The following INPP4B variants were observed in gnomAD, a reference collection of about 807,000 sequenced individuals.
The protein encoded by INPP4B is inositol polyphosphate-4-phosphatase type II B, also known as inositol polyphosphate 4-phosphatase type II.
A neutral mutation model predicts 122.5 loss-of-function variants in INPP4B; 55 were observed. The ratio of observed to expected loss-of-function variants is 0.45; its 90% CI spans 0.36 to 0.56. The LOEUF is 0.56. Ranked by LOEUF, INPP4B falls within the 20% of genes least tolerant of loss-of-function variation. The probability of loss-of-function intolerance (pLI) is 0.00; values close to 1 mark genes in which losing one functional copy is unlikely to be tolerated. For synonymous variants in INPP4B, 403 were observed against 388.7 expected, an observed-to-expected ratio of 1.04 and a Z score of -0.43; for missense variants, 1,000 against 1,097.7, an observed-to-expected ratio of 0.91 and a Z score of 1.26.
chr4:142,650,455 C>T (rs531444468), intron 2 of INPP4B, among the ~76,000 whole-genome samples: 2 of 151,948 alleles, frequency 1.3e-5, no homozygotes, highest in East Asian at 1.9e-4. Flanking sequence ...CATCAGTGTG[C>T]TGTATTCAGG....
chr4:142,260,314 C>A (rs1739248415), intron 11 of INPP4B, among the ~76,000 whole-genome samples, 178 bp downstream of exon 11: 1 of 152,080 alleles, frequency 6.6e-6, no homozygotes, highest in Admixed American at 6.6e-5. Flanking sequence ...ATAGCTAGTA[C>A]ATTTATCTTT....
At chr4:142,810,275 A>G (rs1379041260) in intron 1 of INPP4B, among the ~76,000 whole-genome samples, 1 of 152,096 alleles carries the variant, frequency 6.6e-6, no homozygotes, top group African/African-American at 2.4e-5. Flanking sequence ...TTAGTTATGT[A>G]TATCTTGCCA....
At chr4:142,093,969 AATCAACATTATAC>A (rs1780707395) in intron 23 of INPP4B, among the ~76,000 whole-genome samples, 1 of 152,230 alleles carries the variant, frequency 6.6e-6, no homozygotes, top group Non-Finnish European at 1.5e-5. Flanking sequence ...AAATTTCCTC[AATCAACATTATAC>A]ATTGGAGACC....
chr4:142,070,112 G>A (rs936050034), intron 25 of INPP4B, among the ~76,000 whole-genome samples: 4 of 152,096 alleles, frequency 2.6e-5, no homozygotes, highest in African/African-American at 9.7e-5. Flanking sequence ...ACCAAATCCG[G>A]CAGCACATCA....
intron 2 of INPP4B, among the ~76,000 whole-genome samples, chr4:142,701,715 A>G (rs1761798053): frequency 6.6e-6 from 1 of 152,042 alleles, no homozygotes; most frequent in African/African-American, 2.4e-5. Context: ...TAGTACCTCT[A>G]CCTTGATGTG....
intron 1 of INPP4B, among the ~76,000 whole-genome samples, chr4:142,803,052 C>T (rs925435475): frequency 1.3e-5 from 2 of 151,612 alleles, no homozygotes; most frequent in Non-Finnish European, 2.9e-5. Flanking sequence ...TACCTGTAAT[C>T]CCAGCTACAG....
intron 25 of INPP4B, among the ~76,000 whole-genome samples, chr4:142,052,135 C>A: frequency 6.6e-6 from 1 of 151,932 alleles, no homozygotes; most frequent in Non-Finnish European, 1.5e-5. Context: ...TTTTATCAGA[C>A]TACCATTATA....
At chr4:142,461,129 G>A (rs1434044632) in intron 3 of INPP4B, among the ~76,000 whole-genome samples, 1 of 152,204 alleles carries the variant, frequency 6.6e-6, no homozygotes, top group Non-Finnish European at 1.5e-5. Flanking sequence ...CCATGACTGC[G>A]CCACTGCAAT....
At chr4:142,674,066 A>G (rs1012329805) in intron 2 of INPP4B, among the ~76,000 whole-genome samples, 1 of 152,102 alleles carries the variant, frequency 6.6e-6, no homozygotes, top group African/African-American at 2.4e-5. Context: ...TCCAGTAATT[A>G]AGCCCTTTCC....
chr4:142,614,882 C>CA (rs1275055466), intron 2 of INPP4B, among the ~76,000 whole-genome samples: 1 of 151,866 alleles, frequency 6.6e-6, no homozygotes, highest in Non-Finnish European at 1.5e-5. Context: ...ACTAAAAAGT[C>CA]AAAAAACAAC....
chr4:142,405,112 C>CGGG, intron 6 of INPP4B, 94 bp downstream of exon 6: 1 of 534,700 alleles, frequency 1.9e-6, no homozygotes, highest in Non-Finnish European at 3.2e-6. Context: ...AGAGATGGGG[C>CGGG]GGGGGTGGGG....
At position 142,385,147 on chromosome 4, in the gene INPP4B, A is replaced by G. The variant is rs147442921; in HGVS notation, c.372+17791T>C. Among the ~76,000 whole-genome samples, 300 of 152,250 alleles carry G rather than the reference A, an allele frequency of 2.0e-3. 3 individuals are homozygous for G. The highest frequency in any genetic ancestry group is 6.8e-3 in the African/African-American group (283 of 41,560). On this transcript the variant is annotated intron_variant, in intron 7 of 25. Transcript: ENST00000262992. ...ACACAGTAACAGGATTGTTGGCTCA[A>G]ATGGTATTTCTGTCTTTAGATCTTG...
intron 7 of INPP4B, among the ~76,000 whole-genome samples, chr4:142,325,602 C>G (rs184973191): frequency 3.3e-4 from 51 of 152,294 alleles, no homozygotes; most frequent in Middle Eastern, 3.4e-3. Flanking sequence ...AAAAGAAATA[C>G]TAGTTAAGAC....
At chr4:142,800,617 AT>A (rs1332068297) in intron 1 of INPP4B, among the ~76,000 whole-genome samples, 1 of 152,164 alleles carries the variant, frequency 6.6e-6, no homozygotes, top group Non-Finnish European at 1.5e-5. Context: ...ATCTCTTAGT[AT>A]TTTAAGTTCT....
chr4:142,110,324 C>T (rs546985263), intron 22 of INPP4B, among the ~76,000 whole-genome samples: 187 of 152,246 alleles, frequency 1.2e-3, no homozygotes, highest in African/African-American at 4.3e-3. Context: ...TGACCTTGGA[C>T]TTCCCAGCTT....
At chr4:142,466,393 G>T (rs1211208209) in intron 2 of INPP4B, among the ~76,000 whole-genome samples, 1 of 152,178 alleles carries the variant, frequency 6.6e-6, no homozygotes, top group Non-Finnish European at 1.5e-5. Flanking sequence ...TGAACTTTAA[G>T]ACTGATGACT....
At chr4:142,057,092 G>A (rs1175768331) in intron 25 of INPP4B, among the ~76,000 whole-genome samples, 4 of 149,368 alleles carry the variant, frequency 2.7e-5, no homozygotes, top group South Asian at 2.2e-4. Flanking sequence ...TGATGGCAGC[G>A]TACACATATT....
chr4:142,572,170 G>A (rs990031953), intron 2 of INPP4B, among the ~76,000 whole-genome samples: 2 of 152,080 alleles, frequency 1.3e-5, no homozygotes, highest in African/African-American at 4.8e-5. Flanking sequence ...ATTCAATTAG[G>A]TCTATAAAGC....
At chr4:142,606,976 A>G (rs916533540) in intron 2 of INPP4B, among the ~76,000 whole-genome samples, 2 of 152,058 alleles carry the variant, frequency 1.3e-5, no homozygotes, top group Admixed American at 1.3e-4. Flanking sequence ...ACCTAAATAT[A>G]CAAATAAATA....
Sources: allele counts gnomAD v4.1 joint callset (sites outside exome capture counted in the v4.1 genomes callset), GRCh38; gene constraint gnomAD v4.1.1; transcripts MANE v1.5; gene names NCBI Gene and HGNC (gene_info 2026-07-23, HGNC 2026-07-21).